NCKAP5: variants seen among roughly 807,000 people sequenced by gnomAD.
The protein encoded by NCKAP5 is NCK associated protein 5, also known as nck-associated protein 5.
NCKAP5 carries 92 observed loss-of-function variants against 167.0 expected under a neutral mutation model. That is an observed-to-expected ratio of 0.55 (90% CI 0.47 to 0.66). The LOEUF is 0.66. NCKAP5 is among the 30% of genes least tolerant of loss of function. The pLI, the probability that NCKAP5 is intolerant of heterozygous loss-of-function variation, is 0.00. For synonymous variants in NCKAP5, 891 were observed against 877.4 expected, an observed-to-expected ratio of 1.02 and a Z score of -0.27; for missense variants, 2,378 against 2,315.0, an observed-to-expected ratio of 1.03 and a Z score of -0.56.
chr2:132,832,268 T>C, intron 11 of NCKAP5, among the ~76,000 whole-genome samples: 1 of 152,144 alleles, frequency 6.6e-6, no homozygotes, highest in Non-Finnish European at 1.5e-5. Context: ...CTCAAGTAGA[T>C]TTGTTAATAG....
At chr2:133,472,885 A>G (rs1575020737) in intron 3 of NCKAP5, among the ~76,000 whole-genome samples, 1 of 151,960 alleles carries the variant, frequency 6.6e-6, no homozygotes, top group East Asian at 1.9e-4. Context: ...ATCTCTTTAC[A>G]TGTTGGATTG....
intron 5 of NCKAP5, among the ~76,000 whole-genome samples, chr2:133,149,225 G>T (rs2083301147): frequency 6.6e-6 from 1 of 152,148 alleles, no homozygotes; most frequent in African/African-American, 2.4e-5. Flanking sequence ...AGTATGATAA[G>T]AAGTATGATG....
intron 6 of NCKAP5, among the ~76,000 whole-genome samples, chr2:133,045,029 G>A (rs1303186252): frequency 6.6e-6 from 1 of 150,556 alleles, no homozygotes; most frequent in African/African-American, 2.4e-5. Context: ...CACCCAGCCT[G>A]GGAAACAAAG....
At chr2:133,039,021 T>C (rs907665734) in intron 6 of NCKAP5, among the ~76,000 whole-genome samples, 2 of 152,034 alleles carry the variant, frequency 1.3e-5, no homozygotes, top group African/African-American at 4.8e-5. Context: ...TTTCAACAAA[T>C]GAATTCAATG....
intron 9 of NCKAP5, among the ~76,000 whole-genome samples, chr2:132,872,605 G>A (rs1342849528): frequency 1.3e-5 from 2 of 152,202 alleles, no homozygotes; most frequent in Non-Finnish European, 2.9e-5. Flanking sequence ...CGGGCGTGGG[G>A]AGCGAGGATC....
At chr2:133,564,648 C>T (rs963020869) in intron 1 of NCKAP5, among the ~76,000 whole-genome samples, 1 of 152,066 alleles carries the variant, frequency 6.6e-6, no homozygotes, top group African/African-American at 2.4e-5. Context: ...GGAGACAGAG[C>T]AGGGAACGTT....
At chr2:133,614,264 G>A in the NCKAP5 span, among the ~76,000 whole-genome samples, 11 of 152,086 alleles carry the variant, frequency 7.2e-5, no homozygotes, top group East Asian at 1.7e-3. Flanking sequence ...AGTTCTGTTG[G>A]TGGGGCACTG....
chr2:132,688,766 G>A lies in NCKAP5; in HGVS notation c.5714-15461C>T, dbSNP rs138936211. On this transcript the variant is annotated intron_variant, in intron 19 of 19. Transcript: ENST00000409261. Reference sequence around the variant, plus strand: ...CTTGTGAGGCTGAGGTGGGCAGATCGTTTCAGACCAGGAGTTCGAGATCAC... The same window carrying A: ...CTTGTGAGGCTGAGGTGGGCAGATCATTTCAGACCAGGAGTTCGAGATCAC... Among the ~76,000 whole-genome samples the A allele has an allele frequency of 5.9e-5, 9 of 152,006 alleles. No individual in the cohort carries two copies. The East Asian group carries it at 7.7e-4, about 13-fold the overall frequency.
the NCKAP5 span, among the ~76,000 whole-genome samples, chr2:133,629,394 G>A: frequency 6.6e-6 from 1 of 152,168 alleles, no homozygotes; most frequent in African/African-American, 2.4e-5. Flanking sequence ...CAGTATCATG[G>A]ATCATTAGAG....
chr2:133,617,810 A>G, the NCKAP5 span, among the ~76,000 whole-genome samples: 461 of 149,942 alleles, frequency 3.1e-3, 4 homozygotes, highest in Admixed American at 0.012. Flanking sequence ...CTACTTTAAA[A>G]TTCATATGGA....
chr2:132,711,884 TA>T (rs1226447764), intron 19 of NCKAP5, among the ~76,000 whole-genome samples: 1 of 152,230 alleles, frequency 6.6e-6, no homozygotes, highest in African/African-American at 2.4e-5. Context: ...GGATAAATTC[TA>T]AGCTCTTTTC....
intron 5 of NCKAP5, among the ~76,000 whole-genome samples, chr2:133,195,166 C>G (rs1014308411): frequency 1.2e-4 from 18 of 152,108 alleles, no homozygotes; most frequent in African/African-American, 4.1e-4. Context: ...GTAGCTAGAG[C>G]TGTGTGCCAG....
At chr2:133,035,668 A>T (rs927532778) in intron 6 of NCKAP5, among the ~76,000 whole-genome samples, 1 of 151,880 alleles carries the variant, frequency 6.6e-6, no homozygotes, top group African/African-American at 2.4e-5. Context: ...CACTGAAAGA[A>T]TTCAAAAGAA....
chr2:133,462,089 T>C (rs1692235159), intron 3 of NCKAP5, among the ~76,000 whole-genome samples: 1 of 152,248 alleles, frequency 6.6e-6, no homozygotes, highest in South Asian at 2.1e-4. Flanking sequence ...AGGGAATGTA[T>C]TTGCTTTTGC....
intron 6 of NCKAP5, among the ~76,000 whole-genome samples, chr2:133,065,455 T>C (rs2080160145): frequency 6.6e-6 from 1 of 151,990 alleles, no homozygotes; most frequent in Non-Finnish European, 1.5e-5. Flanking sequence ...TGAAACCCCG[T>C]CTCTACTAAA....
At chr2:133,202,005 T>C (rs939537976) in intron 5 of NCKAP5, among the ~76,000 whole-genome samples, 1 of 152,152 alleles carries the variant, frequency 6.6e-6, no homozygotes, top group Non-Finnish European at 1.5e-5. Flanking sequence ...AGGCTACCAA[T>C]GACTTTCTTC....
intron 2 of NCKAP5, among the ~76,000 whole-genome samples, chr2:133,519,353 A>G (rs1333811105): frequency 2.0e-5 from 3 of 152,262 alleles, no homozygotes; most frequent in Non-Finnish European, 4.4e-5. Context: ...CTAAAATTCT[A>G]GGCAGTATTT....
At chr2:132,846,149 T>C (rs72991380) in intron 11 of NCKAP5, among the ~76,000 whole-genome samples, 12,297 of 152,188 alleles carry the variant, frequency 0.081, 738 homozygotes, top group African/African-American at 0.17. Flanking sequence ...GTGAACTTAC[T>C]AGCTTTCAAA....
At chr2:132,975,142 A>G (rs1289341418) in intron 7 of NCKAP5, among the ~76,000 whole-genome samples, 3 of 152,264 alleles carry the variant, frequency 2.0e-5, no homozygotes, top group Non-Finnish European at 4.4e-5. Context: ...CAGATAAATC[A>G]CAGGATTTTA....
Sources: gnomAD v4.1 joint callset for allele counts (sites outside exome capture counted in the v4.1 genomes callset) on GRCh38, gnomAD v4.1.1 for gene constraint, MANE v1.5 for transcripts, NCBI Gene and HGNC (gene_info 2026-07-23, HGNC 2026-07-21) for gene names.